SLIT1: variants seen among roughly 807,000 people sequenced by gnomAD.
SLIT1 encodes the protein slit homolog 1 protein.
A neutral mutation model predicts 186.1 loss-of-function variants in SLIT1; 66 were observed. That is an observed-to-expected ratio of 0.35 (90% CI 0.29 to 0.44). SLIT1 has a LOEUF of 0.44. Among genes scored for constraint, SLIT1 ranks in the 20% least tolerant of loss-of-function variants. SLIT1 has a pLI of 1.00. For synonymous variants in SLIT1, 761 were observed against 833.8 expected (o/e 0.91, Z 1.50); for missense variants, 1,638 against 2,037.4 (o/e 0.80, Z 3.77).
chr10:97,014,620 A>C (rs1848439061), intron 28 of SLIT1, among the ~76,000 whole-genome samples: 1 of 152,134 alleles, frequency 6.6e-6, no homozygotes, highest in Non-Finnish European at 1.5e-5. Flanking sequence ...TAATCCCAGC[A>C]CTTTGGGAGG....
intron 6 of SLIT1, 129 bp downstream of exon 6, chr10:97,064,676 C>A: frequency 1.5e-6 from 1 of 675,278 alleles, no homozygotes. Flanking sequence ...TCCCCTCCTC[C>A]GAGGTGATTC....
At position 97,065,774 on chromosome 10, in the gene SLIT1, G is replaced by A. The variant is rs117481117; in HGVS notation, c.485+241C>T. Reference sequence around the variant, plus strand: ...CCACGCTGATAACACGCTTCACCAGGTCCCCAAGGGCCCCCTCCGTTGGCT... The same window carrying A: ...CCACGCTGATAACACGCTTCACCAGATCCCCAAGGGCCCCCTCCGTTGGCT... On this transcript the variant is annotated intron_variant, in intron 5 of 36. Coordinates refer to ENST00000266058, the MANE Select transcript of SLIT1 (RefSeq NM_003061.3). 1,036 of 476,844 alleles carry A rather than the reference G, an allele frequency of 2.2e-3. 1 individual carries two copies. Among genetic ancestry groups the A allele is most frequent in the Non-Finnish European group, 3.3e-3 (856 of 260,360 alleles). 29.5% of individuals were successfully genotyped at this position (476,844 alleles called of 1,614,324 possible).
At chr10:97,110,917 G>C (rs1055885415) in intron 4 of SLIT1, among the ~76,000 whole-genome samples, 2 of 152,084 alleles carry the variant, frequency 1.3e-5, no homozygotes, top group Non-Finnish European at 2.9e-5. Flanking sequence ...TCAAAAAGAG[G>C]GTTGGCTGGG....
At chr10:97,015,058 A>G (rs1490917879) in intron 28 of SLIT1, among the ~76,000 whole-genome samples, 1 of 152,182 alleles carries the variant, frequency 6.6e-6, no homozygotes, top group African/African-American at 2.4e-5. Flanking sequence ...GGGGCACCCA[A>G]GGTTTTCCAA....
At chr10:97,106,831 G>A (rs965982677) in intron 4 of SLIT1, among the ~76,000 whole-genome samples, 6 of 152,170 alleles carry the variant, frequency 3.9e-5, no homozygotes, top group Admixed American at 2.6e-4. Context: ...CCTAGAGTAA[G>A]CCTGCCCTGG....
At chr10:97,118,376 G>A (rs565979187) in intron 4 of SLIT1, among the ~76,000 whole-genome samples, 10 of 152,270 alleles carry the variant, frequency 6.6e-5, no homozygotes, top group African/African-American at 2.4e-4. Context: ...TGGCGCAGCA[G>A]GACTTGGGGC....
intron 13 of SLIT1, among the ~76,000 whole-genome samples, chr10:97,052,430 A>T (rs1245803725): frequency 6.6e-6 from 1 of 152,212 alleles, no homozygotes; most frequent in Admixed American, 6.5e-5. Flanking sequence ...AAATGTTCAG[A>T]AAAGGCAATC....
intron 27 of SLIT1, 129 bp downstream of exon 27, chr10:97,018,854 T>TTCAA (rs35555937): frequency 3.0e-6 from 2 of 658,336 alleles, no homozygotes; most frequent in East Asian, 5.5e-5. Flanking sequence ...CATTCATTCA[T>TTCAA]ATGTTAAGTC....
At chr10:97,005,151 C>T (rs1848349305) in intron 32 of SLIT1, among the ~76,000 whole-genome samples, 1 of 152,146 alleles carries the variant, frequency 6.6e-6, no homozygotes, top group Non-Finnish European at 1.5e-5. Flanking sequence ...AGACTGGGAC[C>T]CCTGTCTGCT....
chr10:97,048,076 TCAGCTGAAGG>T, intron 14 of SLIT1, 80 bp from the exon 15 acceptor site: 1 of 1,509,870 alleles, frequency 6.6e-7, no homozygotes, highest in Non-Finnish European at 9.2e-7. Context: ...GCCCCACTGC[TCAGCTGAAGG>T]CACCCCAGAC....
rs764611185 is a variant in SLIT1, at chr10:97,060,156, C to T, written c.944G>A (p.Arg315His). 14 of 1,613,776 alleles carry T rather than the reference C, an allele frequency of 8.7e-6. No individual in the cohort carries two copies. Among genetic ancestry groups the T allele is most frequent in the South Asian group, 1.1e-5 (1 of 91,088 alleles). ...GGACTTGATGCCGTTCAGCTCCAGG[C>T]GTCTGCGGGGAGAAAAGAGAGGGGA... is the stretch of plus-strand genomic sequence containing the variant. ...ANLPETMTEI[R>H]LELNGIKSIP... is the part of the protein sequence containing the mutation. The change falls in exon 10 of 37, where the codon CGC becomes CAC. Residue 315 changes from arginine to histidine, a missense_variant and splice_region_variant. Transcript: ENST00000266058.
chr10:97,173,617 C>A (rs1191821853), intron 1 of SLIT1, among the ~76,000 whole-genome samples: 3 of 151,092 alleles, frequency 2.0e-5, no homozygotes, highest in Non-Finnish European at 4.4e-5. Context: ...TGACGAGGAT[C>A]TGAGCAAAGC....
chr10:97,084,422 C>T (rs981784222), intron 4 of SLIT1, among the ~76,000 whole-genome samples: 1 of 152,202 alleles, frequency 6.6e-6, no homozygotes, highest in Non-Finnish European at 1.5e-5. Context: ...ACCCCTAGCA[C>T]TGTGTGTAGA....
At chr10:97,140,573 A>C in intron 4 of SLIT1, among the ~76,000 whole-genome samples, 1 of 151,484 alleles carries the variant, frequency 6.6e-6, no homozygotes, top group Non-Finnish European at 1.5e-5. Context: ...TTCCTTTCTA[A>C]CCCTTCCCTG....
intron 1 of SLIT1, among the ~76,000 whole-genome samples, chr10:97,183,870 CG>C (rs1850374324): frequency 6.6e-6 from 1 of 151,962 alleles, no homozygotes; most frequent in South Asian, 2.1e-4. Flanking sequence ...CAGGCCACTG[CG>C]GGGGTCCTCT....
chr10:97,157,898 G>C lies in SLIT1; in HGVS notation c.342-9C>G, dbSNP rs1849972380. 4 of 1,609,748 alleles carry C rather than the reference G, an allele frequency of 2.5e-6. No homozygotes were observed. In the Admixed American group the frequency reaches 5.0e-5, roughly 20 times the overall value. The stretch of plus-strand genomic sequence containing the variant: ...GGTTTCGGTTCAGTCGCCTATAAAA[G>C]AGAAGAAGAATTGGAAATCACCTAG... On this transcript the variant is annotated splice_polypyrimidine_tract_variant and intron_variant, in intron 3 of 36. Coordinates refer to ENST00000266058, the MANE Select transcript of SLIT1 (RefSeq NM_003061.3).
chr10:97,093,456 A>G (rs1291110639), intron 4 of SLIT1, among the ~76,000 whole-genome samples: 1 of 152,160 alleles, frequency 6.6e-6, no homozygotes, highest in Non-Finnish European at 1.5e-5. Flanking sequence ...AAGGAGGCTG[A>G]CTCAGTTGGG....
chr10:97,168,485 G>T (rs1038662190), intron 1 of SLIT1, among the ~76,000 whole-genome samples: 10 of 152,170 alleles, frequency 6.6e-5, no homozygotes, highest in African/African-American at 1.9e-4. Context: ...GCAAGGTTCT[G>T]AAGATAAGAG....
chr10:97,185,569 C>T lies in SLIT1; in HGVS notation c.106G>A (p.Ala36Thr), dbSNP rs769400896. 1.9e-6 allele frequency: 3 copies of T among 1,607,074 alleles called. No individual in the cohort carries two copies. In the South Asian group the frequency reaches 3.3e-5, roughly 18 times the overall value. ...AWRLGASACP[A>T]LCTCTGTTVD... is the part of the protein sequence containing the mutation. Reference sequence around the variant, plus strand: ...GTGGTTCCGGTGCAGGTGCAGAGGGCGGGGCACGCCGAGGCACCCAGGCGC... The same window carrying T: ...GTGGTTCCGGTGCAGGTGCAGAGGGTGGGGCACGCCGAGGCACCCAGGCGC... The change falls in exon 1 of 37, where the codon GCC (alanine) becomes ACC (threonine). Residue 36 changes from alanine to threonine, a missense_variant. Ala to Thr is a moderately conservative substitution (Grantham distance 58). Transcript: ENST00000266058.
Sources: allele counts gnomAD v4.1 joint callset (sites outside exome capture counted in the v4.1 genomes callset), GRCh38; gene constraint gnomAD v4.1.1; transcripts MANE v1.5; gene names NCBI Gene and HGNC (gene_info 2026-07-23, HGNC 2026-07-21).